Variants in GALNT11 observed in about 807,000 individuals in gnomAD.
GALNT11 encodes the protein polypeptide N-acetylgalactosaminyltransferase 11.
In GALNT11, 47 loss-of-function variants were observed where a neutral mutation model predicts 72.7. That is an observed-to-expected ratio of 0.65 (90% CI 0.51 to 0.82). The LOEUF (loss-of-function observed/expected upper bound fraction) is 0.82, where lower values mean the gene tolerates loss of function less well. Ranked by LOEUF, GALNT11 falls within the 40% of genes least tolerant of loss-of-function variation. The pLI is 0.00. For missense variants in GALNT11, 677 were observed against 778.4 expected, an observed-to-expected ratio of 0.87 and a Z score of 1.55; for synonymous variants, 270 against 286.6, an observed-to-expected ratio of 0.94 and a Z score of 0.58.
At chr7:152,056,036 C>G (rs2083660091) in intron 1 of GALNT11, among the ~76,000 whole-genome samples, 1 of 151,946 alleles carries the variant, frequency 6.6e-6, no homozygotes, top group South Asian at 2.1e-4. Context: ...CTAATTTGTT[C>G]TCTGTTTCTA....
intron 6 of GALNT11, among the ~76,000 whole-genome samples, chr7:152,108,930 A>C (rs1316925746): frequency 3.3e-5 from 5 of 152,242 alleles, no homozygotes; most frequent in Non-Finnish European, 5.9e-5. Context: ...TTCTCCAAAC[A>C]ATGCCAGGAT....
intron 1 of GALNT11, among the ~76,000 whole-genome samples, chr7:152,033,410 C>G (rs1276439088): frequency 6.6e-6 from 1 of 152,116 alleles, no homozygotes; most frequent in East Asian, 1.9e-4. Context: ...TGGGCCTGTT[C>G]CTCTTGGTCC....
At chr7:152,117,753 TCA>T (rs1212598707) in intron 9 of GALNT11, 1 of 228,354 alleles carries the variant, frequency 4.4e-6, no homozygotes, top group Non-Finnish European at 8.6e-6. Context: ...GGGAACCAAA[TCA>T]CAGAGCAGAG....
intron 8 of GALNT11, chr7:152,116,890 A>G (rs986069643): frequency 3.3e-6 from 2 of 603,704 alleles, no homozygotes; most frequent in Non-Finnish European, 6.2e-6. Context: ...TTTCTGTGTG[A>G]TAAATATGAA....
chr7:152,099,504 C>T (rs1411859841), intron 2 of GALNT11, among the ~76,000 whole-genome samples: 3 of 139,076 alleles, frequency 2.2e-5, no homozygotes, highest in East Asian at 2.2e-4. Context: ...GCTGGGACTA[C>T]GGGAATGCAC....
chr7:152,108,515 G>T (rs2087830628), intron 6 of GALNT11, among the ~76,000 whole-genome samples: 1 of 152,238 alleles, frequency 6.6e-6, no homozygotes. Flanking sequence ...GAGCCTGTGA[G>T]AAGAGCAGAC....
At position 152,103,216 on chromosome 7, in the gene GALNT11, T is replaced by C. The variant is rs2087151761; in HGVS notation, c.524T>C (p.Ile175Thr). The C allele has an allele frequency of 1.2e-6, 2 of 1,613,820 alleles. No individual in the cohort carries two copies. Among genetic ancestry groups the C allele is most frequent in the East Asian group, 4.5e-5 (2 of 44,868 alleles). Residue 175 changes from isoleucine to threonine, a missense_variant, in exon 4 of 12, where the codon ATA becomes ACA. By Grantham distance (89) the Ile-to-Thr change is moderately conservative. Transcript: ENST00000430044. The part of the protein sequence containing the change: ...SALLRTVHSV[I>T]DRTPAHLLHE... ...TTGCTTCGGACAGTGCACAGTGTCATAGACCGCACGCCAGCACACCTGCTT... is the reference window on the plus strand; with the variant it reads ...TTGCTTCGGACAGTGCACAGTGTCACAGACCGCACGCCAGCACACCTGCTT...
At chr7:152,075,832 C>T (rs1324838750) in intron 1 of GALNT11, among the ~76,000 whole-genome samples, 1 of 150,320 alleles carries the variant, frequency 6.7e-6, no homozygotes, top group African/African-American at 2.5e-5. Context: ...GAGGCCGAGG[C>T]GGGCGGATCA....
chr7:152,041,228 C>G (rs1279320950), intron 1 of GALNT11, among the ~76,000 whole-genome samples: 2 of 152,190 alleles, frequency 1.3e-5, no homozygotes, highest in Admixed American at 6.5e-5. Context: ...ATTATTTTAC[C>G]TATTTCCCAA....
chr7:152,043,538 C>G (rs1017580184), intron 1 of GALNT11, among the ~76,000 whole-genome samples: 1 of 152,166 alleles, frequency 6.6e-6, no homozygotes, highest in Non-Finnish European at 1.5e-5. Flanking sequence ...CCCTGTTTAT[C>G]TGGGGGGTGT....
rs1486081075 is a variant in GALNT11, at chr7:152,121,653, A to G, written c.1803A>G (p.Ser601=). 1 of 1,614,010 alleles carries G rather than the reference A, an allele frequency of 6.2e-7. No homozygotes were observed. The highest frequency in any genetic ancestry group is 8.5e-7 in the Non-Finnish European group (1 of 1,180,022). ...VAMAICDGSS[S]QQWHLEG ...TGGCGATCTGCGATGGCTCCTCTTC[A>G]CAGCAGTGGCATTTGGAAGGTTAAG... Residue 601 remains serine (S), a synonymous_variant, in exon 12 of 12, where the codon TCA becomes TCG. Transcript: ENST00000430044.
intron 1 of GALNT11, among the ~76,000 whole-genome samples, chr7:152,040,076 A>G (rs1020723605): frequency 3.9e-5 from 6 of 152,016 alleles, no homozygotes; most frequent in Non-Finnish European, 7.4e-5. Context: ...GGATACCAGT[A>G]ATGTGTTTAA....
intron 1 of GALNT11, among the ~76,000 whole-genome samples, chr7:152,050,825 T>G (rs1406886476): frequency 2.0e-5 from 3 of 152,270 alleles, no homozygotes; most frequent in African/African-American, 7.2e-5. Flanking sequence ...AATTCCCCTC[T>G]GGCTACAGCT....
At chr7:152,040,398 G>C (rs1300303886) in intron 1 of GALNT11, among the ~76,000 whole-genome samples, 2 of 152,200 alleles carry the variant, frequency 1.3e-5, no homozygotes, top group Non-Finnish European at 2.9e-5. Flanking sequence ...TTGGCAAGTT[G>C]GGCATCGCTG....
rs1458988954 is a variant in GALNT11, at chr7:152,117,200, A to G, written c.1277A>G (p.Tyr426Cys). ...SLRPDLKTKS[Y>C]GNISERVELR... ...AGACCTGACCTGAAGACGAAAAGCT[A>G]TGGCAATATCAGTGAGCGTGTGGAA... Residue 426 changes from tyrosine (Y) to cysteine (C), a missense_variant, in exon 9 of 12, where the codon TAT becomes TGT. Transcript: ENST00000430044. 2.5e-6 allele frequency: 4 copies of G among 1,613,918 alleles called. No individual in the cohort carries two copies. The highest frequency in any genetic ancestry group is 3.4e-6 in the Non-Finnish European group (4 of 1,179,962).
intron 1 of GALNT11, among the ~76,000 whole-genome samples, chr7:152,089,256 G>C (rs2085850155): frequency 6.6e-6 from 1 of 152,038 alleles, no homozygotes; most frequent in Non-Finnish European, 1.5e-5. Flanking sequence ...CACAAGCCTG[G>C]GTAGGATCTG....
chr7:152,076,492 T>C (rs1587193615), intron 1 of GALNT11, among the ~76,000 whole-genome samples: 1 of 152,170 alleles, frequency 6.6e-6, no homozygotes, highest in Non-Finnish European at 1.5e-5. Context: ...TGAAGCTTGA[T>C]TGTGCTGAGG....
chr7:152,026,965 A>G (rs1226571702), intron 1 of GALNT11, among the ~76,000 whole-genome samples: 1 of 152,218 alleles, frequency 6.6e-6, no homozygotes, highest in Non-Finnish European at 1.5e-5. Flanking sequence ...AAATTTTTTT[A>G]TTAGCCGGGT....
chr7:152,053,231 C>G (rs1397482185), intron 1 of GALNT11, among the ~76,000 whole-genome samples: 2 of 152,196 alleles, frequency 1.3e-5, no homozygotes, highest in Non-Finnish European at 2.9e-5. Context: ...TCTTCTCATC[C>G]TCAGCATCAG....
Sources: gnomAD v4.1 joint callset for allele counts (sites outside exome capture counted in the v4.1 genomes callset) on GRCh38, gnomAD v4.1.1 for gene constraint, MANE v1.5 for transcripts, NCBI Gene and HGNC (gene_info 2026-07-23, HGNC 2026-07-21) for gene names.